ADGRB3: variants seen among roughly 807,000 people sequenced by gnomAD.
ADGRB3 encodes brain-specific angiogenesis inhibitor 3.
ADGRB3 carries 37 observed loss-of-function variants against 193.4 expected under a neutral mutation model. The ratio of observed to expected loss-of-function variants is 0.19; its 90% CI spans 0.15 to 0.25. The LOEUF is 0.25. Ranked by LOEUF, ADGRB3 falls within the 10% of genes least tolerant of loss-of-function variation. The pLI is 1.00. For missense variants in ADGRB3, 1,637 were observed against 1,852.9 expected, an observed-to-expected ratio of 0.88 and a Z score of 2.14; for synonymous variants, 690 against 644.2, an observed-to-expected ratio of 1.07 and a Z score of -1.08.
chr6:69,139,656 TCCCAAAA>T (rs1167034412), intron 17 of ADGRB3, among the ~76,000 whole-genome samples: 2 of 152,178 alleles, frequency 1.3e-5, no homozygotes, highest in African/African-American at 4.8e-5. Context: ...AAATTAATCC[TCCCAAAA>T]CCTGTTTATG....
chr6:68,975,352 G>A lies in ADGRB3; in HGVS notation c.1734+12G>A. The stretch of plus-strand genomic sequence containing the variant: ...ACTTGCAGCATTCAGTAGGTGCAAA[G>A]CCAGCTTTAGTACTTGCTCTGTTTA... On this transcript the variant is annotated intron_variant, in intron 10 of 31. Transcript: ENST00000370598. 1 of 1,592,550 alleles carries A rather than the reference G, an allele frequency of 6.3e-7. No homozygotes were observed. Among genetic ancestry groups the A allele is most frequent in the Non-Finnish European group, 8.6e-7 (1 of 1,160,904 alleles).
At chr6:69,210,835 G>T (rs7746195) in intron 17 of ADGRB3, among the ~76,000 whole-genome samples, 232 of 152,240 alleles carry the variant, frequency 1.5e-3, no homozygotes, top group African/African-American at 5.2e-3. Context: ...AAGCAGAACG[G>T]CCAGGCATGG....
chr6:69,332,183 T>G (rs759191357), intron 23 of ADGRB3: 7 of 985,290 alleles, frequency 7.1e-6, no homozygotes, highest in Non-Finnish European at 8.4e-6. Context: ...AATAGACATC[T>G]ATGCAGTTTT....
chr6:69,338,852 G>A (rs541780305), intron 24 of ADGRB3, 64 bp from the exon 25 acceptor site: 76 of 1,437,948 alleles, frequency 5.3e-5, no homozygotes, highest in Middle Eastern at 1.8e-4. Context: ...ACTTGAAGCA[G>A]CAATTTTTTT....
intron 31 of ADGRB3, among the ~76,000 whole-genome samples, chr6:69,383,597 C>A (rs1387067778): frequency 6.6e-6 from 1 of 151,938 alleles, no homozygotes; most frequent in Non-Finnish European, 1.5e-5. Context: ...GTATACTAGT[C>A]GAAAGCTCAA....
chr6:68,968,652 GAC>G (rs944496053), intron 8 of ADGRB3, among the ~76,000 whole-genome samples: 3 of 152,122 alleles, frequency 2.0e-5, no homozygotes, highest in African/African-American at 7.2e-5. Context: ...AATCAAATAT[GAC>G]AGTCAGATTA....
intron 3 of ADGRB3, among the ~76,000 whole-genome samples, chr6:68,875,229 T>C: frequency 2.5e-5 from 1 of 39,890 alleles, no homozygotes; most frequent in Non-Finnish European, 4.6e-5. Flanking sequence ...CCCCTTCCTC[T>C]CCCCCTCCCT....
At chr6:69,084,126 T>C (rs1772479644) in intron 17 of ADGRB3, among the ~76,000 whole-genome samples, 1 of 152,138 alleles carries the variant, frequency 6.6e-6, no homozygotes, top group South Asian at 2.1e-4. Flanking sequence ...TTCAGCTAGC[T>C]TTCCTCTAGT....
chr6:68,973,648 A>G (rs895686375), intron 8 of ADGRB3, among the ~76,000 whole-genome samples: 1 of 152,194 alleles, frequency 6.6e-6, no homozygotes, highest in African/African-American at 2.4e-5. Flanking sequence ...TCATTTATTT[A>G]TTTATTCAAT....
intron 3 of ADGRB3, among the ~76,000 whole-genome samples, chr6:68,836,381 T>C (rs1768046902): frequency 6.6e-6 from 1 of 152,116 alleles, no homozygotes; most frequent in South Asian, 2.1e-4. Context: ...TCTGTTTTCC[T>C]AGATTGTGGT....
At chr6:69,058,402 T>A (rs1164968405) in intron 15 of ADGRB3, among the ~76,000 whole-genome samples, 1 of 151,960 alleles carries the variant, frequency 6.6e-6, no homozygotes, top group African/African-American at 2.4e-5. Context: ...CAACTCTTAG[T>A]TTTGTTGATT....
At chr6:69,182,485 G>A (rs1307979385) in intron 17 of ADGRB3, among the ~76,000 whole-genome samples, 1 of 151,240 alleles carries the variant, frequency 6.6e-6, no homozygotes, top group Non-Finnish European at 1.5e-5. Context: ...AGCTGCATTG[G>A]ATTCTGAATC....
At chr6:68,913,123 GACAA>G (rs1164615354) in intron 3 of ADGRB3, among the ~76,000 whole-genome samples, 1 of 152,212 alleles carries the variant, frequency 6.6e-6, no homozygotes. Flanking sequence ...GCAGGGCACT[GACAA>G]ACAAAAAGAC....
chr6:68,784,223 G>C (rs1296103658), intron 3 of ADGRB3, among the ~76,000 whole-genome samples: 1 of 152,072 alleles, frequency 6.6e-6, no homozygotes, highest in Non-Finnish European at 1.5e-5. Context: ...GCAGTAGAAA[G>C]GTGAAACTGT....
chr6:69,136,334 A>G (rs539173502), intron 17 of ADGRB3, among the ~76,000 whole-genome samples: 18 of 152,234 alleles, frequency 1.2e-4, no homozygotes, highest in African/African-American at 4.1e-4. Context: ...GTTATAATCC[A>G]TGATGATAAC....
chr6:69,273,058 GC>G (rs1398105522), intron 20 of ADGRB3, among the ~76,000 whole-genome samples: 2 of 152,054 alleles, frequency 1.3e-5, no homozygotes, highest in Non-Finnish European at 2.9e-5. Context: ...GTGCCACCAT[GC>G]CCGGCTAATT....
intron 17 of ADGRB3, among the ~76,000 whole-genome samples, chr6:69,166,146 A>C (rs75499325): frequency 0.036 from 5,458 of 152,200 alleles, 114 homozygotes; most frequent in Non-Finnish European, 0.04. Context: ...GCAGACTTCT[A>C]TTTAATTTTT....
chr6:69,116,458 A>T (rs905295733), intron 17 of ADGRB3, among the ~76,000 whole-genome samples: 1 of 152,204 alleles, frequency 6.6e-6, no homozygotes, highest in Non-Finnish European at 1.5e-5. Flanking sequence ...GGATACAGCT[A>T]TGAGGAGATT....
chr6:68,989,196 A>G (rs900172607), intron 10 of ADGRB3, among the ~76,000 whole-genome samples: 1 of 152,294 alleles, frequency 6.6e-6, no homozygotes, highest in African/African-American at 2.4e-5. Context: ...AAAACAAGAA[A>G]TTTAAAAGAA....
Sources: allele counts gnomAD v4.1 joint callset (sites outside exome capture counted in the v4.1 genomes callset), GRCh38; gene constraint gnomAD v4.1.1; transcripts MANE v1.5; gene names NCBI Gene and HGNC (gene_info 2026-07-23, HGNC 2026-07-21).